SAMSN1: variants seen among roughly 807,000 people sequenced by gnomAD.
SAMSN1 encodes the protein SAM domain, SH3 domain and nuclear localization signals 1.
In SAMSN1, 31 loss-of-function variants were observed where a neutral mutation model predicts 42.0. That is an observed-to-expected ratio of 0.74 (90% CI 0.55 to 1.00). The LOEUF is 1.00. SAMSN1 is among the 50% of genes least tolerant of loss of function. The probability of loss-of-function intolerance (pLI) is 0.00; values close to 1 mark genes in which losing one functional copy is unlikely to be tolerated. For missense variants in SAMSN1, 464 were observed against 439.4 expected, an observed-to-expected ratio of 1.06 and a Z score of -0.50; for synonymous variants, 178 against 151.9, an observed-to-expected ratio of 1.17 and a Z score of -1.26.
At chr21:14,531,533 C>T (rs992146145) in intron 1 of SAMSN1, among the ~76,000 whole-genome samples, 3 of 151,206 alleles carry the variant, frequency 2.0e-5, no homozygotes, top group Non-Finnish European at 4.4e-5. Flanking sequence ...TATTATCTAA[C>T]ATGATGGAAG....
At chr21:14,655,357 A>G (rs1158772800) in intron 1 of SAMSN1, among the ~76,000 whole-genome samples, 1 of 151,824 alleles carries the variant, frequency 6.6e-6, no homozygotes, top group Non-Finnish European at 1.5e-5. Flanking sequence ...GAAACTCTAG[A>G]AAAAGAAAAT....
intron 7 of SAMSN1, chr21:14,593,964 G>T (rs1174200437): frequency 1.4e-6 from 1 of 712,814 alleles, no homozygotes. Context: ...GAGTGGAAAA[G>T]AGATGGGAAA....
chr21:14,580,552 C>T (rs1981671734), intron 2 of SAMSN1, among the ~76,000 whole-genome samples: 1 of 152,176 alleles, frequency 6.6e-6, no homozygotes, highest in Non-Finnish European at 1.5e-5. Context: ...CAAAGTGCAG[C>T]AGTCCCAGAA....
chr21:14,496,814 T>C (rs989470165), intron 7 of SAMSN1, among the ~76,000 whole-genome samples: 14 of 152,212 alleles, frequency 9.2e-5, no homozygotes, highest in African/African-American at 3.1e-4. Context: ...GTTCTGCTGA[T>C]GTCAAATTAG....
intron 1 of SAMSN1, among the ~76,000 whole-genome samples, chr21:14,525,447 T>A (rs1978782352): frequency 1.3e-5 from 2 of 152,100 alleles, no homozygotes; most frequent in Non-Finnish European, 2.9e-5. Flanking sequence ...TATAAAAAAA[T>A]TTTAAGAAAG....
At chr21:14,550,430 T>C (rs1003411777), upstream of SAMSN1, among the ~76,000 whole-genome samples, 1 of 152,030 alleles carries the variant, frequency 6.6e-6, no homozygotes, top group Non-Finnish European at 1.5e-5. Flanking sequence ...TTGGGGAGAT[T>C]AGGGGAAGAT....
intron 1 of SAMSN1, among the ~76,000 whole-genome samples, chr21:14,647,472 CT>C (rs1469181512): frequency 6.7e-6 from 1 of 148,878 alleles, no homozygotes; most frequent in East Asian, 2.0e-4. Flanking sequence ...AATGTGGGCT[CT>C]TTTTTGGTTC....
upstream of SAMSN1, among the ~76,000 whole-genome samples, chr21:14,549,093 A>G (rs904429770): frequency 6.6e-6 from 1 of 152,182 alleles, no homozygotes; most frequent in African/African-American, 2.4e-5. Context: ...ACAAAGATTG[A>G]GGTGTATTTT....
At chr21:14,659,156 C>G (rs1044243387), upstream of SAMSN1, among the ~76,000 whole-genome samples, 1 of 151,926 alleles carries the variant, frequency 6.6e-6, no homozygotes, top group East Asian at 1.9e-4. Context: ...AGTGGTAGGT[C>G]AAGGGTCCAT....
intron 2 of SAMSN1, among the ~76,000 whole-genome samples, chr21:14,559,458 A>G (rs75751555): frequency 0.021 from 3,134 of 152,190 alleles, 100 homozygotes; most frequent in African/African-American, 0.07. Flanking sequence ...ATGACTGACT[A>G]ATGTCTTGAC....
At chr21:14,504,966 T>G (rs1235786015) in intron 5 of SAMSN1, among the ~76,000 whole-genome samples, 2 of 152,140 alleles carry the variant, frequency 1.3e-5, no homozygotes, top group African/African-American at 4.8e-5. Context: ...AACAAGACAA[T>G]TATTAGCCAA....
At chr21:14,495,056 C>T (rs1986859750) in intron 7 of SAMSN1, among the ~76,000 whole-genome samples, 1 of 152,216 alleles carries the variant, frequency 6.6e-6, no homozygotes, top group Non-Finnish European at 1.5e-5. Flanking sequence ...CTCAAACTGA[C>T]ATCATTCAAT....
chr21:14,500,047 C>T (rs565718625), intron 6 of SAMSN1, among the ~76,000 whole-genome samples: 1 of 152,160 alleles, frequency 6.6e-6, no homozygotes, highest in Non-Finnish European at 1.5e-5. Flanking sequence ...TTAACACAAT[C>T]ATTATGCGGC....
intron 7 of SAMSN1, among the ~76,000 whole-genome samples, chr21:14,491,122 A>C (rs1986666654): frequency 6.6e-6 from 1 of 152,236 alleles, no homozygotes; most frequent in Non-Finnish European, 1.5e-5. Flanking sequence ...AGTCAAGTTC[A>C]TATTTCTTAT....
intron 2 of SAMSN1, among the ~76,000 whole-genome samples, chr21:14,636,077 G>A (rs1027368171): frequency 2.0e-5 from 3 of 152,044 alleles, no homozygotes; most frequent in African/African-American, 7.2e-5. Flanking sequence ...ATTTCTGCAA[G>A]AGACATAAAT....
chr21:14,598,461 T>C (rs965507814), intron 6 of SAMSN1, among the ~76,000 whole-genome samples: 4 of 152,200 alleles, frequency 2.6e-5, no homozygotes, highest in Non-Finnish European at 5.9e-5. Flanking sequence ...ATGTTCTTTA[T>C]AGTTGGTGTA....
At chr21:14,578,213 T>C (rs1981570600) in intron 2 of SAMSN1, among the ~76,000 whole-genome samples, 1 of 151,912 alleles carries the variant, frequency 6.6e-6, no homozygotes, top group Non-Finnish European at 1.5e-5. Context: ...GGAAAGAGAG[T>C]GAGTAGGACT....
intron 2 of SAMSN1, among the ~76,000 whole-genome samples, chr21:14,564,152 T>C (rs780924209): frequency 2.2e-4 from 34 of 152,270 alleles, no homozygotes; most frequent in African/African-American, 6.3e-4. Flanking sequence ...ACCCATGCAA[T>C]TGATTTCAAA....
chr21:14,658,647 A>C (rs1983952512), intron 1 of SAMSN1: 1 of 679,474 alleles, frequency 1.5e-6, no homozygotes, highest in Admixed American at 2.2e-5. Flanking sequence ...TAAGTGTATG[A>C]ATATCATCAC....
Sources: allele counts gnomAD v4.1 joint callset (sites outside exome capture counted in the v4.1 genomes callset), GRCh38; gene constraint gnomAD v4.1.1; transcripts MANE v1.5; gene names NCBI Gene and HGNC (gene_info 2026-07-23, HGNC 2026-07-21).